The following CCDC88B variants were observed in gnomAD, a reference collection of about 807,000 sequenced individuals.
CCDC88B encodes the protein coiled-coil domain-containing protein 88B.
CCDC88B carries 138 observed loss-of-function variants against 183.7 expected under a neutral mutation model. The observed-to-expected ratio is 0.75, with a 90% CI of 0.65 to 0.87. The LOEUF (loss-of-function observed/expected upper bound fraction) is 0.87, where lower values mean the gene tolerates loss of function less well. Ranked by LOEUF, CCDC88B falls within the 40% of genes least tolerant of loss-of-function variation. CCDC88B has a pLI of 0.00. For missense variants in CCDC88B, 1,822 were observed against 1,965.6 expected (o/e 0.93, Z 1.38); for synonymous variants, 835 against 867.5 (o/e 0.96, Z 0.66).
chr11:64,350,002 G>A (rs2036266803), intron 16 of CCDC88B: 2 of 375,204 alleles, frequency 5.3e-6, no homozygotes, highest in Admixed American at 3.8e-5. Context: ...TACCCAGGCT[G>A]TGTGCGGGCT....
Position 64,357,500 on chromosome 11 carries a change from G to A in CCDC88B, c.*406G>A. 1.4e-6 allele frequency: 1 copy of A among 705,202 alleles called. No homozygotes were observed. The highest frequency in any genetic ancestry group is 2.6e-6 in the Non-Finnish European group (1 of 377,402). The allele number at this position is 705,202 out of a possible 1,614,324, so 43.7% of individuals were successfully genotyped here. On this transcript the variant is annotated 3_prime_UTR_variant, in exon 27 of 27. Coordinates refer to ENST00000356786, the MANE Select transcript of CCDC88B (RefSeq NM_032251.6). ...ATCTTGAGCCTTAACTGGACATGAG[G>A]GGCATGAGAATAAAGCTGAACTGCA...
At chr11:64,350,079 C>T (rs748225241) in intron 16 of CCDC88B, 5 of 255,132 alleles carry the variant, frequency 2.0e-5, no homozygotes, top group South Asian at 5.7e-5. Flanking sequence ...GCTCACAGGA[C>T]AGTCAGGATA....
In CCDC88B at chr11:64,340,957, C is replaced by G. The variant is rs1212959212; in HGVS notation, c.257C>G (p.Pro86Arg). ...GPRMLRGLDG[P>R]AAWRVWNLNH... ...CGGATGCTCAGAGGCCTTGACGGAC[C>G]TGCTGCCTGGCGAGTGTGGAACCTG... Residue 86 changes from proline (P) to arginine (R), a missense_variant, in exon 3 of 27, where the codon CCT becomes CGT. Transcript: ENST00000356786. 1 of 1,599,962 alleles carries G rather than the reference C, an allele frequency of 6.3e-7. No individual in the cohort carries two copies. The highest frequency in any genetic ancestry group is 1.1e-5 in the South Asian group (1 of 88,936).
chr11:64,341,546 G>A (rs1213969782), intron 6 of CCDC88B, 42 bp downstream of exon 6: 1 of 1,611,950 alleles, frequency 6.2e-7, no homozygotes, highest in Admixed American at 1.7e-5. Flanking sequence ...ATGGCACCTG[G>A]GACGCCCTTG....
intron 24 of CCDC88B, 50 bp downstream of exon 24, chr11:64,354,220 G>T: frequency 7.8e-7 from 1 of 1,290,250 alleles, no homozygotes; most frequent in Non-Finnish European, 9.9e-7. Flanking sequence ...CACATCCTCT[G>T]TCCCCCACCT....
At position 64,342,529 on chromosome 11, in the gene CCDC88B, C is replaced by A. The variant is rs1401803237; in HGVS notation, c.911C>A (p.Ala304Glu). The change falls in exon 10 of 27, where the codon GCG becomes GAG. Residue 304 changes from alanine to glutamate, a missense_variant. Ala to Glu is a moderately radical substitution (Grantham distance 107). Transcript: ENST00000356786. ...EIRRLRQEAQ[A>E]LSGQAKRAEL... is the part of the protein sequence containing the mutation. Reference sequence around the variant, plus strand: ...CCACACCGTCTGGCCCAGGCCCAGGCGCTGTCGGGACAGGCCAAGCGGGCC... The same window carrying A: ...CCACACCGTCTGGCCCAGGCCCAGGAGCTGTCGGGACAGGCCAAGCGGGCC... 2.0e-6 allele frequency: 3 copies of A among 1,529,000 alleles called. No individual in the cohort carries two copies. Among genetic ancestry groups the A allele is most frequent in the Non-Finnish European group, 2.6e-6 (3 of 1,143,082 alleles). 94.7% of individuals were successfully genotyped at this position (1,529,000 alleles called of 1,614,324 possible).
Position 64,345,071 on chromosome 11 carries a change from G to T in CCDC88B, c.2530G>T (p.Glu844Ter). 6.4e-7 allele frequency: 1 copy of T among 1,551,304 alleles called. No homozygotes were observed. Residue 844 changes from glutamate (E) to a stop codon, truncating the protein, a stop_gained, in exon 14 of 27, where the codon GAA becomes TAA. Coordinates refer to ENST00000356786, the MANE Select transcript of CCDC88B (RefSeq NM_032251.6). LOFTEE classifies it high-confidence loss of function. ...GCGGGCCCAGTCGGAGGCCGCCGAG[G>T]AACGGATGCAGGTGCTGGAGAGCGA... ...RLRAQSEAAE[E>*]RMQVLESEGR...
In CCDC88B at chr11:64,353,517, C is replaced by T. The variant is rs549764146; in HGVS notation, c.3833+21C>T. ...TACCTGTGAGTGGGCCGCCTGGGAG[C>T]GGGGTGGGGCCTGCATCCCCTTTGG... On this transcript the variant is annotated intron_variant, in intron 22 of 26. Transcript: ENST00000356786. The T allele has an allele frequency of 4.7e-5, 76 of 1,606,498 alleles. No individual in the cohort carries two copies. The Admixed American group carries it at 5.7e-4, about 12-fold the overall frequency.
intron 11 of CCDC88B, 51 bp downstream of exon 11, chr11:64,343,376 C>T (rs1309943125): frequency 5.8e-6 from 9 of 1,542,498 alleles, no homozygotes; most frequent in Non-Finnish European, 7.0e-6. Context: ...CCCCATGACC[C>T]CATTGATTCC....
At chr11:64,355,889 G>A in intron 26 of CCDC88B, 1 of 368,932 alleles carries the variant, frequency 2.7e-6, no homozygotes, top group Non-Finnish European at 4.9e-6. Flanking sequence ...TTTCCAGTAG[G>A]CTTACCAGAA....
chr11:64,349,220 C>T (rs1031772581), intron 14 of CCDC88B, 111 bp from the exon 15 acceptor site: 92 of 1,272,284 alleles, frequency 7.2e-5, no homozygotes, highest in Non-Finnish European at 8.6e-5. Context: ...CTTAATGATA[C>T]GTGCCCAGGA....
chr11:64,341,801 C>A, intron 7 of CCDC88B, 59 bp downstream of exon 7: 1 of 1,533,528 alleles, frequency 6.5e-7, no homozygotes, highest in Non-Finnish European at 8.7e-7. Context: ...CATCAGGGAG[C>A]CGGTTGTGCA....
At chr11:64,351,827 T>TCGCCCTGCCCTC (rs2036344661) in intron 18 of CCDC88B, among the ~76,000 whole-genome samples, 2 of 152,018 alleles carry the variant, frequency 1.3e-5, no homozygotes, top group Non-Finnish European at 2.9e-5. Flanking sequence ...CCCCCACATC[T>TCGCCCTGCCCTC]ACACCCATGT....
rs1446915578 is a variant in CCDC88B, at chr11:64,341,653, G to C, written c.586G>C (p.Glu196Gln). ...VLALSGPDPGELAPAELEMLS... is the reference protein window; with the variant it reads ...VLALSGPDPGQLAPAELEMLS... The stretch of plus-strand genomic sequence containing the variant: ...GGCACTGTCTGGGCCAGATCCTGGG[G>C]AGCTGGCACCTGCCGAGCTGGAGAT... Residue 196 changes from glutamate to glutamine, a missense_variant, in exon 7 of 27, where the codon GAG becomes CAG. By Grantham distance (29) the Glu-to-Gln change is conservative. Transcript: ENST00000356786. The C allele has an allele frequency of 6.2e-7, 1 of 1,607,508 alleles. No individual in the cohort carries two copies. Among genetic ancestry groups the C allele is most frequent in the Non-Finnish European group, 8.5e-7 (1 of 1,177,338 alleles).
chr11:64,345,718 G>A (rs937809394), intron 14 of CCDC88B, among the ~76,000 whole-genome samples: 1 of 152,142 alleles, frequency 6.6e-6, no homozygotes, highest in Non-Finnish European at 1.5e-5. Flanking sequence ...CATTAAAGAC[G>A]CTCAGGGGCT....
intron 14 of CCDC88B, among the ~76,000 whole-genome samples, chr11:64,346,694 C>G (rs1234062183): frequency 6.6e-6 from 1 of 152,060 alleles, no homozygotes; most frequent in African/African-American, 2.4e-5. Flanking sequence ...CCCGCCTTGG[C>G]CTCCCAAAGT....
intron 18 of CCDC88B, 71 bp downstream of exon 18, chr11:64,351,687 G>C: frequency 6.9e-7 from 1 of 1,447,644 alleles, no homozygotes; most frequent in Non-Finnish European, 9.1e-7. Context: ...ATCATCCTGT[G>C]GCCTTTTTCT....
At chr11:64,353,661 C>CT in intron 22 of CCDC88B, 54 bp from the exon 23 acceptor site, 1 of 1,602,850 alleles carries the variant, frequency 6.2e-7, no homozygotes, top group Non-Finnish European at 8.5e-7. Context: ...TGCCTTGCTA[C>CT]TGCCTCGGCC....
In CCDC88B at chr11:64,353,356, GAC is replaced by G; in HGVS notation, c.3697_3698del (p.Gln1233AlafsTer15). 1 of 1,613,478 alleles carries G rather than the reference GAC, an allele frequency of 6.2e-7. No individual in the cohort carries two copies. Among genetic ancestry groups the G allele is most frequent in the Non-Finnish European group, 8.5e-7 (1 of 1,179,898 alleles). ...CRLTTQCELL[T>X]QLRSAQEEEN... is the part of the protein sequence containing the mutation. ...CCATGGTGCCCCCCTGCCAGCTATT[GAC>G]ACAGCTGCGAAGTGCCCAGGAAGAG... On this transcript the variant is annotated frameshift_variant, in exon 22 of 27. Coordinates refer to ENST00000356786, the MANE Select transcript of CCDC88B (RefSeq NM_032251.6). LOFTEE classifies it high-confidence loss of function.
Sources: gnomAD v4.1 joint callset for allele counts (sites outside exome capture counted in the v4.1 genomes callset) on GRCh38, gnomAD v4.1.1 for gene constraint, MANE v1.5 for transcripts, NCBI Gene and HGNC (gene_info 2026-07-23, HGNC 2026-07-21) for gene names.